Variants in XRCC6 observed in about 807,000 individuals in gnomAD.
XRCC6 encodes the protein X-ray repair cross complementing 6, also known as DNA repair protein Ku70.
Under a neutral mutation model 65.7 loss-of-function variants are expected in XRCC6, and 5 were observed. The ratio of observed to expected loss-of-function variants is 0.08; its 90% CI spans 0.04 to 0.16. XRCC6 has a LOEUF of 0.16. Among genes scored for constraint, XRCC6 ranks in the 10% least tolerant of loss-of-function variants. The pLI is 1.00. For missense variants in XRCC6, 447 were observed against 738.1 expected, an observed-to-expected ratio of 0.61 and a Z score of 4.57; for synonymous variants, 270 against 270.6, an observed-to-expected ratio of 1.00 and a Z score of 0.02.
At chr22:41,642,779 T>A (rs907606688) in intron 6 of XRCC6, among the ~76,000 whole-genome samples, 8 of 152,220 alleles carry the variant, frequency 5.3e-5, no homozygotes, top group Non-Finnish European at 7.3e-5. Flanking sequence ...TGGTTGCATT[T>A]ATCGTCAACT....
At chr22:41,641,305 AC>A (rs132777) in intron 6 of XRCC6, among the ~76,000 whole-genome samples, 105,099 of 151,938 alleles carry the variant, frequency 0.69, 37,981 homozygotes, top group East Asian at 0.92. Context: ...TATTAAACTT[AC>A]GCTTTTTAAA....
At chr22:41,652,365 C>CTT (rs754721375) in intron 8 of XRCC6, among the ~76,000 whole-genome samples, 22 of 140,648 alleles carry the variant, frequency 1.6e-4, no homozygotes, top group South Asian at 2.2e-4. Context: ...TAATAATTTG[C>CTT]TTTTTTTTTT....
At chr22:41,655,764 A>G (rs767687547) in intron 9 of XRCC6, among the ~76,000 whole-genome samples, 10 of 150,666 alleles carry the variant, frequency 6.6e-5, no homozygotes, top group Non-Finnish European at 8.9e-5. Context: ...AGGTCTCACT[A>G]TGTTGCCCAG....
intron 6 of XRCC6, among the ~76,000 whole-genome samples, chr22:41,646,481 GTC>G (rs1447117571): frequency 5.9e-5 from 9 of 152,152 alleles, no homozygotes; most frequent in African/African-American, 2.2e-4. Context: ...ATGCTCTACA[GTC>G]TGAAACTTTT....
At chr22:41,622,310 C>T (rs963187461) in intron 2 of XRCC6, among the ~76,000 whole-genome samples, 1 of 152,112 alleles carries the variant, frequency 6.6e-6, no homozygotes, top group Non-Finnish European at 1.5e-5. Flanking sequence ...AGTTTGACAT[C>T]TTTTGGTCCC....
intron 12 of XRCC6, among the ~76,000 whole-genome samples, chr22:41,662,188 T>C (rs183291899): frequency 2.6e-5 from 4 of 152,296 alleles, no homozygotes; most frequent in South Asian, 2.1e-4. Context: ...AATTTAATTG[T>C]ACATTTAAAA....
chr22:41,636,703 C>T lies in XRCC6; in HGVS notation c.522C>T (p.Asn174=), dbSNP rs1408849441. The change falls in exon 5 of 13, where the codon AAC becomes AAT. Residue 174 remains asparagine, a synonymous_variant. Transcript: ENST00000360079. ...KRIMLFTNED[N]PHGNDSAKAS... ...TCATGCTGTTCACCAATGAAGACAA[C>T]CCCCATGGCAATGACAGTGCCAAAG... The T allele has an allele frequency of 3.1e-6, 5 of 1,614,028 alleles. No homozygotes were observed. Among genetic ancestry groups the T allele is most frequent in the African/African-American group, 1.3e-5 (1 of 74,920 alleles).
chr22:41,637,443 CATT>C (rs1288847799), intron 5 of XRCC6, among the ~76,000 whole-genome samples, 162 bp from the exon 6 acceptor site: 4 of 152,114 alleles, frequency 2.6e-5, no homozygotes, highest in African/African-American at 9.7e-5. Flanking sequence ...TGTCTGAAGT[CATT>C]ATAGCAGTTG....
intron 2 of XRCC6, among the ~76,000 whole-genome samples, chr22:41,625,979 T>C (rs994389569): frequency 9.2e-5 from 14 of 151,716 alleles, no homozygotes; most frequent in Middle Eastern, 3.4e-3. Flanking sequence ...GCTGGAATTA[T>C]AGGCATGCGC....
At chr22:41,652,614 T>C (rs564287682) in intron 8 of XRCC6, among the ~76,000 whole-genome samples, 1 of 152,242 alleles carries the variant, frequency 6.6e-6, no homozygotes, top group East Asian at 1.9e-4. Flanking sequence ...AATCTACCTG[T>C]CTTGGCCTCC....
chr22:41,624,548 C>G (rs1204475897), intron 2 of XRCC6, among the ~76,000 whole-genome samples: 2 of 149,074 alleles, frequency 1.3e-5, no homozygotes, highest in African/African-American at 5.0e-5. Context: ...ATTAGCCAGG[C>G]GTGGTGGCAG....
intron 7 of XRCC6, among the ~76,000 whole-genome samples, chr22:41,649,456 A>G (rs1220140859): frequency 2.6e-5 from 4 of 151,674 alleles, no homozygotes; most frequent in African/African-American, 4.8e-5. Flanking sequence ...GATTACAGGC[A>G]TGAGTCAACG....
At chr22:41,627,480 G>A (rs1020070645) in intron 2 of XRCC6, among the ~76,000 whole-genome samples, 4 of 151,834 alleles carry the variant, frequency 2.6e-5, no homozygotes, top group Admixed American at 1.3e-4. Flanking sequence ...GAGTGGTGGC[G>A]GGCGTCTATA....
At chr22:41,631,022 C>T in intron 3 of XRCC6, among the ~76,000 whole-genome samples, 1 of 152,254 alleles carries the variant, frequency 6.6e-6, no homozygotes, top group South Asian at 2.1e-4. Context: ...GGGCTCCTCA[C>T]TTCCCAGTAG....
At chr22:41,636,915 G>T in intron 5 of XRCC6, 145 bp downstream of exon 5, 5 of 1,089,506 alleles carry the variant, frequency 4.6e-6, no homozygotes, top group South Asian at 1.7e-5. Context: ...GCCCAGTGCA[G>T]TTTTATTGCT....
At chr22:41,627,410 A>G (rs938868449) in intron 2 of XRCC6, among the ~76,000 whole-genome samples, 1 of 151,992 alleles carries the variant, frequency 6.6e-6, no homozygotes, top group African/African-American at 2.4e-5. Flanking sequence ...CGGGAGTTCA[A>G]GACCAACCTG....
intron 5 of XRCC6, 98 bp downstream of exon 5, chr22:41,636,868 C>T (rs1235665633): frequency 2.1e-6 from 3 of 1,451,460 alleles, no homozygotes; most frequent in Non-Finnish European, 2.7e-6. Context: ...CAGCCTCAGC[C>T]TCCCAAGTAG....
intron 7 of XRCC6, among the ~76,000 whole-genome samples, chr22:41,649,160 A>ATATATATATATATATGTATG (rs1376197191): frequency 9.7e-4 from 122 of 125,788 alleles, no homozygotes; most frequent in African/African-American, 4.1e-3. Context: ...ATATATATAT[A>ATATATATATATATATGTATG]TATGTATGTA....
chr22:41,646,791 G>A, intron 6 of XRCC6, 105 bp from the exon 7 acceptor site: 1 of 969,708 alleles, frequency 1.0e-6, no homozygotes, highest in Non-Finnish European at 1.5e-6. Context: ...GCTTGCTTAG[G>A]ATTATTGGAG....
Sources: allele counts gnomAD v4.1 joint callset (sites outside exome capture counted in the v4.1 genomes callset), GRCh38; gene constraint gnomAD v4.1.1; transcripts MANE v1.5; gene names NCBI Gene and HGNC (gene_info 2026-07-23, HGNC 2026-07-21).